The following LYST variants were observed in gnomAD, a reference collection of about 807,000 sequenced individuals.
The protein encoded by LYST is lysosomal-trafficking regulator.
LYST carries 192 observed loss-of-function variants against 413.6 expected under a neutral mutation model. The observed-to-expected ratio is 0.46, with a 90% CI of 0.41 to 0.52. The LOEUF is 0.52. Among genes scored for constraint, LYST ranks in the 20% least tolerant of loss-of-function variants. LYST has a pLI of 0.00. For synonymous variants in LYST, 1,525 were observed against 1,567.3 expected (o/e 0.97, Z 0.64); for missense variants, 3,815 against 4,499.9 (o/e 0.85, Z 4.35).
At position 235,880,460 on chromosome 1, in the gene LYST, C is replaced by T. The variant is rs999968150; in HGVS notation, n.454+2727G>A. On this transcript the variant is annotated intron_variant and non_coding_transcript_variant, in intron 1 of 11. Transcript: ENST00000465349. ...CGGTAAAAGTGTCATCATTTGACAC[C>T]GTCATAACAGTGACTAAACACATCT... Among the ~76,000 whole-genome samples, 10 of 152,216 alleles carry T rather than the reference C, an allele frequency of 6.6e-5. No individual in the cohort carries two copies. The South Asian group carries it at 8.3e-4, about 13-fold the overall frequency.
At chr1:235,861,696 T>C (rs1679893300) in intron 1 of LYST, among the ~76,000 whole-genome samples, 1 of 152,220 alleles carries the variant, frequency 6.6e-6, no homozygotes, top group Admixed American at 6.5e-5. Flanking sequence ...CGTGTTGCTG[T>C]GTTGCCCAGG....
intron 9 of LYST, 83 bp from the exon 10 acceptor site, chr1:235,800,469 A>G: frequency 1.3e-6 from 1 of 797,172 alleles, no homozygotes; most frequent in Non-Finnish European, 2.2e-6. Flanking sequence ...AAATTCTATG[A>G]TAGGGTATCT....
At chr1:235,869,649 T>C (rs1413250871), upstream of LYST, among the ~76,000 whole-genome samples, 2 of 152,244 alleles carry the variant, frequency 1.3e-5, no homozygotes, top group Non-Finnish European at 2.9e-5. Context: ...TCACATTTAA[T>C]TATTCTCCAA....
rs947558779 is a variant in LYST at position 235,686,800 on chromosome 1, C to T, written c.10800+149G>A. 5 of 683,176 alleles carry T rather than the reference C, an allele frequency of 7.3e-6. No homozygotes were observed. The highest frequency in any genetic ancestry group is 1.7e-5 in the South Asian group (1 of 58,784). The allele number at this position is 683,176 out of a possible 1,614,324, so 42.3% of individuals were successfully genotyped here. A position where few individuals can be genotyped will look rare whatever the true frequency, so the allele number is the denominator to read the frequency against. On this transcript the variant is annotated intron_variant, in intron 48 of 52. Coordinates refer to ENST00000389793, the MANE Select transcript of LYST (RefSeq NM_000081.4). This position sits in a 1 kb window ranked among gnomAD's most constrained non-coding sequence, Gnocchi z 4.0. ...AAGATTTTTCATGATTCTAATAAAC[C>T]CTAAAGCATTTTAAGACCTAATGTA...
Position 235,773,920 on chromosome 1 carries a change from T to C in LYST, c.5706A>G (p.Val1902=). The C allele has an allele frequency of 1.9e-6, 3 of 1,603,338 alleles. No homozygotes were observed. The highest frequency in any genetic ancestry group is 2.6e-6 in the Non-Finnish European group (3 of 1,170,292). ...CATCTTGGATTATAGCATTAGAGTC[T>C]ACATCCAACTTAAACTCTCCATTCT... ...MNENGEFKLD[V]DSNAIIQDVK... Residue 1902 remains valine (V), a synonymous_variant, in exon 19 of 53, where the codon GTA becomes GTG. Coordinates refer to ENST00000389793, the MANE Select transcript of LYST (RefSeq NM_000081.4).
intron 8 of LYST, among the ~76,000 whole-genome samples, chr1:235,802,264 G>A (rs575083642): frequency 6.7e-6 from 1 of 149,430 alleles, no homozygotes; most frequent in South Asian, 2.1e-4. Flanking sequence ...ATAAAAAGAT[G>A]GAGTCTTGCC....
chr1:235,762,446 A>G lies in LYST; in HGVS notation c.6253+274T>C, dbSNP rs575921191. On this transcript the variant is annotated intron_variant, in intron 22 of 52. Coordinates refer to ENST00000389793, the MANE Select transcript of LYST (RefSeq NM_000081.4). ...GGTTTTAGGTAGACAGAAGAGAATA[A>G]AAGTTTTTAAAAAGCTTCTGAAGAA... 1.5e-4 allele frequency among the ~76,000 whole-genome samples: 22 copies of G among 151,462 alleles called. No homozygotes were observed. In the East Asian group the frequency reaches 3.7e-3, roughly 25 times the overall value.
In LYST at chr1:235,686,373, C is replaced by T. The variant is rs1282572297; in HGVS notation, c.10800+576G>A. On this transcript the variant is annotated intron_variant, in intron 48 of 52. Transcript: ENST00000389793. This position sits in a 1 kb window ranked among gnomAD's most constrained non-coding sequence, Gnocchi z 4.0. Reference sequence around the variant, plus strand: ...GAGAGGGAGGTTCTGTCTCAAAAAACAAAAACAAAACAAAACAAAACAAAA... The same window carrying T: ...GAGAGGGAGGTTCTGTCTCAAAAAATAAAAACAAAACAAAACAAAACAAAA... Among the ~76,000 whole-genome samples the T allele has an allele frequency of 6.6e-6, 1 of 152,012 alleles. No homozygotes were observed. Among genetic ancestry groups the T allele is most frequent in the Non-Finnish European group, 1.5e-5 (1 of 67,970 alleles).
chr1:235,821,720 C>A (rs1416627984), intron 3 of LYST, among the ~76,000 whole-genome samples: 1 of 152,142 alleles, frequency 6.6e-6, no homozygotes, highest in Non-Finnish European at 1.5e-5. Context: ...GTTTAACAAC[C>A]CTTTAAAAAT....
At chr1:235,770,625 T>C (rs1668572778) in intron 19 of LYST, among the ~76,000 whole-genome samples, 1 of 152,206 alleles carries the variant, frequency 6.6e-6, no homozygotes, top group Non-Finnish European at 1.5e-5. Flanking sequence ...AACATTATTG[T>C]TTTTAAATAA....
intron 16 of LYST, among the ~76,000 whole-genome samples, chr1:235,778,392 C>T (rs149992238): frequency 1.8e-4 from 27 of 149,746 alleles, no homozygotes; most frequent in African/African-American, 5.9e-4. Flanking sequence ...TTTATTTTTC[C>T]GAGACGGAGT....
At chr1:235,792,285 T>A (rs567663034) in intron 11 of LYST, among the ~76,000 whole-genome samples, 160 bp from the exon 12 acceptor site, 1 of 152,234 alleles carries the variant, frequency 6.6e-6, no homozygotes, top group East Asian at 1.9e-4. Context: ...ACTTTCATTT[T>A]CTCGTAGCTG....
intron 1 of LYST, among the ~76,000 whole-genome samples, chr1:235,853,915 G>C (rs966453178): frequency 2.0e-5 from 3 of 152,080 alleles, no homozygotes; most frequent in African/African-American, 7.2e-5. Context: ...AAGAACCTGT[G>C]TTTGGCCCTG....
In LYST at chr1:235,755,627, A is replaced by T. The variant is rs1666968994; in HGVS notation, c.7080T>A (p.Ala2360=). The change falls in exon 25 of 53, where the codon GCT becomes GCA. Residue 2360 remains alanine, a synonymous_variant. Transcript: ENST00000389793. ...TATCTTTTTGTTCCTTAGATGCTCT[A>T]GCAAAATATGCATCTAATAGCTAAA... ...GVIKLLDAYF[A]RASKEQKDKF... is the part of the protein sequence containing the mutation. The T allele has an allele frequency of 6.2e-7, 1 of 1,610,598 alleles. No homozygotes were observed. The highest frequency in any genetic ancestry group is 8.5e-7 in the Non-Finnish European group (1 of 1,177,128).
intron 10 of LYST, among the ~76,000 whole-genome samples, chr1:235,796,703 T>C (rs974550307): frequency 6.6e-6 from 1 of 152,214 alleles, no homozygotes; most frequent in African/African-American, 2.4e-5. Flanking sequence ...TCTTCCTTTC[T>C]GCATTTTGCC....
intron 3 of LYST, among the ~76,000 whole-genome samples, chr1:235,820,446 T>C (rs898334088): frequency 6.6e-6 from 1 of 152,048 alleles, no homozygotes; most frequent in Non-Finnish European, 1.5e-5. Flanking sequence ...CATGGCTCAC[T>C]GCAACCTCCA....
At position 235,662,757 on chromosome 1, in the gene LYST, A is replaced by T. The variant is rs970637613; in HGVS notation, c.*183T>A. 13 of 695,346 alleles carry T rather than the reference A, an allele frequency of 1.9e-5. No individual in the cohort carries two copies. Among genetic ancestry groups the T allele is most frequent in the Admixed American group, 1.2e-4 (6 of 51,332 alleles). 43.1% of individuals were successfully genotyped at this position (695,346 alleles called of 1,614,324 possible). ...TCTTCCAGATTATCACTAAAATAGA[A>T]CAGAACTTTCCTCTTAGGATCATGT... On this transcript the variant is annotated 3_prime_UTR_variant, in exon 53 of 53. Transcript: ENST00000389793.
rs146974130 is a variant in LYST at position 235,774,787 on chromosome 1, C to A, written c.5634+126G>T. The A allele has an allele frequency of 9.2e-6, 6 of 649,924 alleles. No homozygotes were observed. The Admixed American group carries it at 1.1e-4, about 12-fold the overall frequency. 40.3% of individuals were successfully genotyped at this position (649,924 alleles called of 1,614,324 possible). A position where few individuals can be genotyped will look rare whatever the true frequency, so the allele number is the denominator to read the frequency against. On this transcript the variant is annotated intron_variant, in intron 18 of 52. Transcript: ENST00000389793. ...GAGTATCTTAGTTTGATTAACTATACACTAATAAGTTTCCTCCATTTTCTT... is the reference window on the plus strand; with the variant it reads ...GAGTATCTTAGTTTGATTAACTATAAACTAATAAGTTTCCTCCATTTTCTT...
rs544143868 is a variant in LYST at position 235,824,375 on chromosome 1, T to C, written c.192+5851A>G. On this transcript the variant is annotated intron_variant, in intron 3 of 52. Coordinates refer to ENST00000389793, the MANE Select transcript of LYST (RefSeq NM_000081.4). ...TGATATATATGTTGGCAATAGGGCA[T>C]AGAAGAAACCAGAAGCCATTATTTT... 1.0e-3 allele frequency among the ~76,000 whole-genome samples: 153 copies of C among 152,346 alleles called. No homozygotes were observed. The South Asian group carries it at 0.029, about 29-fold the overall frequency.
Sources: gnomAD v4.1 joint callset for allele counts (sites outside exome capture counted in the v4.1 genomes callset) on GRCh38, gnomAD v4.1.1 for gene constraint, Gnocchi (gnomAD v3.1) non-coding constraint, MANE v1.5 for transcripts, NCBI Gene and HGNC (gene_info 2026-07-23, HGNC 2026-07-21) for gene names.